USH2A: variants seen among roughly 807,000 people sequenced by gnomAD.
USH2A encodes the protein usherin.
USH2A carries 443 observed loss-of-function variants against 538.9 expected under a neutral mutation model. The observed-to-expected ratio is 0.82, with a 90% confidence interval of 0.76 to 0.89. USH2A has a LOEUF of 0.89. USH2A is among the 40% of genes least tolerant of loss of function. USH2A has a pLI of 0.00. For missense variants in USH2A, 6,633 were observed against 6,324.8 expected (o/e 1.05, Z -1.65); for synonymous variants, 2,413 against 2,273.5 (o/e 1.06, Z -1.75).
At chr1:215,807,871 A>G (rs1445493309) in intron 49 of USH2A, among the ~76,000 whole-genome samples, 6 of 152,100 alleles carry the variant, frequency 3.9e-5, no homozygotes, top group Non-Finnish European at 7.4e-5. Context: ...TATGCTCCTC[A>G]ATTACTAAAC....
chr1:215,873,786 T>C (rs371547283), intron 43 of USH2A, among the ~76,000 whole-genome samples: 2 of 126,082 alleles, frequency 1.6e-5, no homozygotes, highest in Non-Finnish European at 3.2e-5. Context: ...GAGGTCTCCA[T>C]CCAAATTGTC....
intron 61 of USH2A, among the ~76,000 whole-genome samples, chr1:215,696,952 TTTTG>T (rs1044733802): frequency 6.6e-5 from 10 of 152,056 alleles, no homozygotes; most frequent in South Asian, 2.1e-4. Context: ...CCTCTTTTTT[TTTTG>T]TTTGTTTGTT....
intron 4 of USH2A, among the ~76,000 whole-genome samples, chr1:216,350,135 C>T (rs2038253958): frequency 6.6e-6 from 1 of 152,040 alleles, no homozygotes. Flanking sequence ...ATAACCAGAT[C>T]TTGTGATAAC....
At chr1:215,644,516 G>A (rs147522695) in intron 67 of USH2A, among the ~76,000 whole-genome samples, 8 of 152,196 alleles carry the variant, frequency 5.3e-5, no homozygotes, top group East Asian at 3.9e-4. Context: ...TTTGGGCAGC[G>A]GAAGAAGATC....
chr1:216,291,389 A>G (rs937966019), intron 10 of USH2A, among the ~76,000 whole-genome samples: 1 of 152,172 alleles, frequency 6.6e-6, no homozygotes, highest in Non-Finnish European at 1.5e-5. Context: ...AGCAATCATC[A>G]GACAACTTTG....
chr1:215,740,736 G>A (rs1660276228), intron 60 of USH2A, among the ~76,000 whole-genome samples: 1 of 152,142 alleles, frequency 6.6e-6, no homozygotes, highest in East Asian at 1.9e-4. Context: ...AAACTTTTTG[G>A]CACCAGGGAC....
chr1:216,101,442 G>A (rs2032575584), intron 21 of USH2A, among the ~76,000 whole-genome samples: 1 of 152,186 alleles, frequency 6.6e-6, no homozygotes, highest in South Asian at 2.1e-4. Flanking sequence ...TGTGACTTGT[G>A]TTGGCCAAAG....
At chr1:216,110,646 C>T (rs556242503) in intron 21 of USH2A, among the ~76,000 whole-genome samples, 1 of 152,108 alleles carries the variant, frequency 6.6e-6, no homozygotes, top group Non-Finnish European at 1.5e-5. Context: ...TATAAAGACC[C>T]AGTACAAGAG....
intron 55 of USH2A, among the ~76,000 whole-genome samples, chr1:215,773,484 G>GTCTCTCTCTC (rs756571165): frequency 9.8e-5 from 11 of 112,280 alleles, no homozygotes; most frequent in East Asian, 3.3e-4. Context: ...ATGTCTCTCT[G>GTCTCTCTCTC]TCTCTCTGTC....
intron 37 of USH2A, among the ~76,000 whole-genome samples, chr1:215,942,224 T>C (rs557846203): frequency 6.6e-6 from 1 of 152,156 alleles, no homozygotes; most frequent in African/African-American, 2.4e-5. Flanking sequence ...TTGTGTTGCC[T>C]GGCGTTCACC....
At position 216,293,169 on chromosome 1, in the gene USH2A, C is replaced by T. The variant is rs145290213; in HGVS notation, c.1645-799G>A. ...CCTCCCAAGTAGCTGAGACTACAGG[C>T]GCCCGCCACCACGCTTGGCTAATTT... On this transcript the variant is annotated intron_variant, in intron 9 of 71. Transcript: ENST00000307340. 2.2e-4 allele frequency among the ~76,000 whole-genome samples: 33 copies of T among 152,042 alleles called. No individual in the cohort carries two copies. The South Asian group carries it at 3.5e-3, about 16-fold the overall frequency.
intron 4 of USH2A, among the ~76,000 whole-genome samples, chr1:216,336,778 A>G (rs563190666): frequency 1.3e-5 from 2 of 151,668 alleles, no homozygotes; most frequent in African/African-American, 2.4e-5. Context: ...CAATATGGAT[A>G]ATAGAACTAA....
intron 61 of USH2A, among the ~76,000 whole-genome samples, chr1:215,688,861 A>T (rs1381813240): frequency 6.6e-6 from 1 of 152,034 alleles, no homozygotes; most frequent in Non-Finnish European, 1.5e-5. Context: ...AACACAATCC[A>T]TTTCATAACA....
intron 30 of USH2A, among the ~76,000 whole-genome samples, chr1:216,050,384 A>T (rs1235596019): frequency 6.6e-6 from 1 of 151,930 alleles, no homozygotes; most frequent in Non-Finnish European, 1.5e-5. Flanking sequence ...TGAGATGGGG[A>T]TAATATAGTA....
chr1:216,239,235 T>A (rs946974691), intron 13 of USH2A, among the ~76,000 whole-genome samples: 1 of 152,194 alleles, frequency 6.6e-6, no homozygotes, highest in Non-Finnish European at 1.5e-5. Context: ...GACTATATCT[T>A]GTTTTGTTAA....
intron 21 of USH2A, among the ~76,000 whole-genome samples, chr1:216,148,727 G>T (rs2102617952): frequency 6.6e-6 from 1 of 151,760 alleles, no homozygotes; most frequent in South Asian, 2.1e-4. Flanking sequence ...ACACCCTGTG[G>T]TGCCAAACCC....
At position 216,014,080 on chromosome 1, in the gene USH2A, GAA is replaced by G. The variant is rs1380756456; in HGVS notation, c.6326-13520_6326-13519del. ...TAGTGTTCTTTGAATAATAAAGCAT[GAA>G]AAAAGAGAGAGAGAGAGAGAAGAGA... On this transcript the variant is annotated intron_variant, in intron 32 of 71. Coordinates refer to ENST00000307340, the MANE Select transcript of USH2A (RefSeq NM_206933.4). Among the ~76,000 whole-genome samples, 12 of 64,358 alleles carry G rather than the reference GAA, an allele frequency of 1.9e-4. No homozygotes were observed. In the East Asian group the frequency reaches 0.01, roughly 55 times the overall value. The allele number at this position is 64,358 out of a possible 152,430, so 42.2% of individuals were successfully genotyped here.
intron 35 of USH2A, among the ~76,000 whole-genome samples, chr1:215,971,475 GC>G (rs1667493448): frequency 6.6e-6 from 1 of 152,094 alleles, no homozygotes. Context: ...TTCCAAATAA[GC>G]CGGGTGTGGT....
chr1:215,777,408 A>G (rs1412374003), intron 55 of USH2A, among the ~76,000 whole-genome samples: 1 of 152,248 alleles, frequency 6.6e-6, no homozygotes, highest in Non-Finnish European at 1.5e-5. Context: ...CAAACCAATA[A>G]AGTAGCAACA....
Sources: allele counts gnomAD v4.1 joint callset (sites outside exome capture counted in the v4.1 genomes callset), GRCh38; gene constraint gnomAD v4.1.1; transcripts MANE v1.5; gene names NCBI Gene and HGNC (gene_info 2026-07-23, HGNC 2026-07-21).